Variants in CCSER1 observed in about 807,000 individuals in gnomAD.
The protein encoded by CCSER1 is coiled-coil serine rich protein 1, also known as serine-rich coiled-coil domain-containing protein 1.
Under a neutral mutation model 82.0 loss-of-function variants are expected in CCSER1, and 41 were observed. That is an observed-to-expected ratio of 0.50 (90% CI 0.39 to 0.65). CCSER1 has a LOEUF of 0.65. Among genes scored for constraint, CCSER1 ranks in the 30% least tolerant of loss-of-function variants. The pLI is 0.00. For missense variants in CCSER1, 1,119 were observed against 1,064.2 expected (o/e 1.05, Z -0.72); for synonymous variants, 414 against 383.9 (o/e 1.08, Z -0.92).
chr4:91,107,611 G>GT (rs1342832368), intron 10 of CCSER1, among the ~76,000 whole-genome samples: 1 of 143,116 alleles, frequency 7.0e-6, no homozygotes, highest in East Asian at 2.0e-4. Context: ...ACAGGAATTT[G>GT]TTTAAGAAAA....
intron 1 of CCSER1, among the ~76,000 whole-genome samples, chr4:90,245,136 A>G (rs543175113): frequency 6.6e-6 from 1 of 152,306 alleles, no homozygotes; most frequent in African/African-American, 2.4e-5. Flanking sequence ...AAAGTGATAT[A>G]TTTGATGCTG....
intron 10 of CCSER1, among the ~76,000 whole-genome samples, chr4:91,314,019 G>A (rs1745663219): frequency 6.6e-6 from 1 of 151,942 alleles, no homozygotes; most frequent in South Asian, 2.1e-4. Context: ...ACAATTCCCT[G>A]ATGTCCTAGA....
At chr4:90,988,352 A>T (rs1178744120) in intron 9 of CCSER1, among the ~76,000 whole-genome samples, 7 of 147,894 alleles carry the variant, frequency 4.7e-5, no homozygotes, top group East Asian at 2.0e-4. Flanking sequence ...AAAAAAAAAA[A>T]AAAAAAAAAA....
At chr4:91,566,257 A>T (rs1762880202) in intron 10 of CCSER1, among the ~76,000 whole-genome samples, 1 of 152,078 alleles carries the variant, frequency 6.6e-6, no homozygotes, top group African/African-American at 2.4e-5. Flanking sequence ...TGCATGGTGG[A>T]TTGGCTTTTT....
chr4:91,527,378 G>A (rs991517595), intron 10 of CCSER1, among the ~76,000 whole-genome samples: 12 of 152,232 alleles, frequency 7.9e-5, no homozygotes, highest in East Asian at 1.9e-4. Flanking sequence ...GTCTCTAAAG[G>A]TCACTGAGCA....
intron 10 of CCSER1, among the ~76,000 whole-genome samples, chr4:91,533,454 G>C (rs988296683): frequency 3.3e-5 from 5 of 152,106 alleles, no homozygotes; most frequent in African/African-American, 1.2e-4. Flanking sequence ...TTCCCAAAGG[G>C]GAGGGGAATA....
At chr4:90,136,549 G>A (rs997186685) in intron 1 of CCSER1, among the ~76,000 whole-genome samples, 5 of 152,170 alleles carry the variant, frequency 3.3e-5, no homozygotes, top group African/African-American at 1.2e-4. Flanking sequence ...TTTGTTGTGT[G>A]TGTGTTTTGC....
chr4:91,595,537 G>A (rs912408653), intron 10 of CCSER1, among the ~76,000 whole-genome samples: 5 of 152,070 alleles, frequency 3.3e-5, no homozygotes, highest in Admixed American at 2.0e-4. Context: ...GATGATTATT[G>A]TTGTGATTAA....
chr4:90,328,134 G>C (rs966786438), intron 3 of CCSER1, among the ~76,000 whole-genome samples: 1 of 152,134 alleles, frequency 6.6e-6, no homozygotes. Context: ...AAACACAAAG[G>C]CTGGGAATTT....
chr4:91,246,433 G>A (rs7688374), intron 10 of CCSER1, among the ~76,000 whole-genome samples: 84,791 of 151,964 alleles, frequency 0.56, 24,675 homozygotes, highest in African/African-American at 0.75. Flanking sequence ...CTTCACTGAA[G>A]GGAAGACAGG....
At chr4:90,214,929 G>A (rs1740749796) in intron 1 of CCSER1, among the ~76,000 whole-genome samples, 1 of 151,948 alleles carries the variant, frequency 6.6e-6, no homozygotes, top group South Asian at 2.1e-4. Flanking sequence ...TTCCTGTTAG[G>A]TTTTTCAATT....
chr4:90,849,892 G>T (rs1198569396), intron 8 of CCSER1, among the ~76,000 whole-genome samples: 2 of 151,980 alleles, frequency 1.3e-5, no homozygotes. Context: ...CCAAGACAGT[G>T]GGGAAAATGT....
chr4:90,266,106 A>G (rs1224960212), intron 1 of CCSER1, among the ~76,000 whole-genome samples: 1 of 152,198 alleles, frequency 6.6e-6, no homozygotes, highest in African/African-American at 2.4e-5. Context: ...CATAGCTGTT[A>G]TAAATATTAT....
intron 3 of CCSER1, among the ~76,000 whole-genome samples, chr4:90,398,312 G>A (rs893961195): frequency 6.6e-6 from 1 of 152,098 alleles, no homozygotes; most frequent in African/African-American, 2.4e-5. Context: ...TGGGGGTTAG[G>A]ATTTTTTATA....
chr4:91,348,908 AATTT>A lies in CCSER1; in HGVS notation c.2218-249651_2218-249648del, dbSNP rs1370318936. ...GTTGATTTTTTAAAATTAATTAATT[AATTT>A]ATTTATTTATTTTTGAGACGGAGTC... On this transcript the variant is annotated intron_variant, in intron 10 of 10. Coordinates refer to ENST00000509176, the MANE Select transcript of CCSER1 (RefSeq NM_001145065.2). 8.0e-5 allele frequency among the ~76,000 whole-genome samples: 12 copies of A among 150,782 alleles called. 1 individual carries two copies. The South Asian group carries it at 1.3e-3, about 16-fold the overall frequency.
At chr4:91,343,575 G>A (rs1480129625) in intron 10 of CCSER1, among the ~76,000 whole-genome samples, 1 of 152,120 alleles carries the variant, frequency 6.6e-6, no homozygotes, top group African/African-American at 2.4e-5. Context: ...AGAAATGATT[G>A]TGGGTGCTCT....
chr4:90,158,000 T>G (rs1728623712), intron 1 of CCSER1, among the ~76,000 whole-genome samples: 1 of 152,164 alleles, frequency 6.6e-6, no homozygotes, highest in African/African-American at 2.4e-5. Flanking sequence ...CCCATCTTTG[T>G]GGTTTTATCT....
intron 5 of CCSER1, among the ~76,000 whole-genome samples, chr4:90,574,153 GT>G (rs565151235): frequency 2.6e-5 from 3 of 115,034 alleles, no homozygotes; most frequent in Non-Finnish European, 4.0e-5. Flanking sequence ...AGTATTTCTT[GT>G]TTTTTTTTAA....
intron 5 of CCSER1, among the ~76,000 whole-genome samples, chr4:90,550,030 T>A (rs2153640054): frequency 6.6e-6 from 1 of 152,258 alleles, no homozygotes; most frequent in South Asian, 2.1e-4. Context: ...ATTCTTTTAT[T>A]ATTATCAAAA....
Sources: gnomAD v4.1 joint callset for allele counts (sites outside exome capture counted in the v4.1 genomes callset) on GRCh38, gnomAD v4.1.1 for gene constraint, MANE v1.5 for transcripts, NCBI Gene and HGNC (gene_info 2026-07-23, HGNC 2026-07-21) for gene names.